ADGRG6: variants seen among roughly 807,000 people sequenced by gnomAD.
ADGRG6 encodes the protein adhesion G protein-coupled receptor G6, also known as G-protein coupled receptor 126.
ADGRG6 carries 84 observed loss-of-function variants against 142.4 expected under a neutral mutation model. That is an observed-to-expected ratio of 0.59 (90% CI 0.49 to 0.71). ADGRG6 has a LOEUF of 0.71. ADGRG6 is among the 30% of genes least tolerant of loss of function. ADGRG6 has a pLI of 0.00. For missense variants in ADGRG6, 1,367 were observed against 1,466.6 expected, an observed-to-expected ratio of 0.93 and a Z score of 1.11; for synonymous variants, 521 against 520.5, an observed-to-expected ratio of 1.00 and a Z score of -0.01.
intron 2 of ADGRG6, among the ~76,000 whole-genome samples, chr6:142,315,563 C>T (rs567161609): frequency 6.6e-5 from 10 of 152,126 alleles, no homozygotes; most frequent in African/African-American, 2.2e-4. Context: ...TGATTATACA[C>T]CTGAAAAGAA....
At chr6:142,422,281 A>C (rs574898890) in intron 22 of ADGRG6, among the ~76,000 whole-genome samples, 7 of 152,184 alleles carry the variant, frequency 4.6e-5, no homozygotes, top group African/African-American at 1.7e-4. Flanking sequence ...GTCATCTAGC[A>C]TTAGGTATAT....
chr6:142,347,455 A>G (rs1240459357), intron 2 of ADGRG6, among the ~76,000 whole-genome samples: 1 of 152,306 alleles, frequency 6.6e-6, no homozygotes, highest in African/African-American at 2.4e-5. Flanking sequence ...GTAGAAAACC[A>G]AACAATGATC....
chr6:142,354,755 A>C (rs538157454), intron 2 of ADGRG6, among the ~76,000 whole-genome samples: 1 of 152,350 alleles, frequency 6.6e-6, no homozygotes, highest in East Asian at 1.9e-4. Flanking sequence ...CATATATGTA[A>C]ACTATTAACA....
chr6:142,400,793 C>T, intron 11 of ADGRG6, 197 bp downstream of exon 11: 1 of 499,866 alleles, frequency 2.0e-6, no homozygotes, highest in South Asian at 3.0e-5. Flanking sequence ...GTTTTCCTCC[C>T]AGCCACATGC....
intron 2 of ADGRG6, among the ~76,000 whole-genome samples, chr6:142,341,621 T>TATATATA (rs1186724696): frequency 7.8e-6 from 1 of 128,784 alleles, no homozygotes; most frequent in Admixed American, 9.0e-5. Context: ...TAATATGTAG[T>TATATATA]ATATATAATA....
chr6:142,345,923 T>C (rs1779876631), intron 2 of ADGRG6, among the ~76,000 whole-genome samples: 1 of 152,208 alleles, frequency 6.6e-6, no homozygotes, highest in Non-Finnish European at 1.5e-5. Context: ...GTAAAGTTAT[T>C]TTAAGGAAAA....
chr6:142,346,594 T>G (rs998448656), intron 2 of ADGRG6, among the ~76,000 whole-genome samples: 2 of 152,150 alleles, frequency 1.3e-5, no homozygotes, highest in African/African-American at 4.8e-5. Flanking sequence ...ATTGCAGTAC[T>G]ATTCACAATA....
At chr6:142,437,635 CTA>C (rs1157415113) in intron 23 of ADGRG6, 100 bp downstream of exon 23, 3 of 703,640 alleles carry the variant, frequency 4.3e-6, no homozygotes. Context: ...TGGTAGCAAG[CTA>C]TTGAAGTGGA....
chr6:142,381,376 G>A (rs1185086393), intron 4 of ADGRG6, among the ~76,000 whole-genome samples: 4 of 152,166 alleles, frequency 2.6e-5, no homozygotes, highest in Non-Finnish European at 5.9e-5. Flanking sequence ...TTAATTGTCA[G>A]AGGGAGATTT....
At chr6:142,360,374 G>A (rs372463024) in intron 2 of ADGRG6, among the ~76,000 whole-genome samples, 2 of 152,302 alleles carry the variant, frequency 1.3e-5, no homozygotes, top group Non-Finnish European at 2.9e-5. Context: ...CAGCGAGAAT[G>A]AGTATATATA....
intron 20 of ADGRG6, among the ~76,000 whole-genome samples, chr6:142,416,407 C>T (rs1249692511): frequency 1.3e-5 from 2 of 152,144 alleles, no homozygotes; most frequent in Non-Finnish European, 2.9e-5. Context: ...ATACAAAGGC[C>T]AGCTCAGACG....
chr6:142,383,977 T>C, intron 6 of ADGRG6, 134 bp downstream of exon 6: 1 of 595,296 alleles, frequency 1.7e-6, no homozygotes, highest in Non-Finnish European at 2.9e-6. Flanking sequence ...TTTACAAGAT[T>C]AGTAAAATTA....
intron 2 of ADGRG6, among the ~76,000 whole-genome samples, chr6:142,343,034 T>TTTTTATAAAA (rs2114731813): frequency 1.3e-5 from 2 of 151,842 alleles, no homozygotes; most frequent in South Asian, 4.1e-4. Flanking sequence ...TGGTAAAAAT[T>TTTTTATAAAA]TTTTATAAAA....
At chr6:142,403,128 C>A (rs893209616) in intron 13 of ADGRG6, among the ~76,000 whole-genome samples, 1 of 151,626 alleles carries the variant, frequency 6.6e-6, no homozygotes, top group East Asian at 1.9e-4. Context: ...TAAATTTAGT[C>A]GACCAGTAGA....
At chr6:142,355,231 C>T (rs1242004230) in intron 2 of ADGRG6, among the ~76,000 whole-genome samples, 3 of 151,642 alleles carry the variant, frequency 2.0e-5, no homozygotes, top group South Asian at 2.1e-4. Flanking sequence ...TCAATTTTTC[C>T]GTAAGATGGA....
intron 2 of ADGRG6, among the ~76,000 whole-genome samples, chr6:142,311,394 C>T (rs992061335): frequency 2.6e-5 from 4 of 151,758 alleles, no homozygotes; most frequent in Non-Finnish European, 5.9e-5. Context: ...ATTTAAAATG[C>T]CACCACCTCA....
Position 142,409,794 on chromosome 6 carries a change from T to C in ADGRG6, c.2389-80T>C, listed in dbSNP as rs1775990868. 5 of 631,428 alleles carry C rather than the reference T, an allele frequency of 7.9e-6. No individual in the cohort carries two copies. In the South Asian group the frequency reaches 9.0e-5, roughly 11 times the overall value. 39.1% of individuals were successfully genotyped at this position (631,428 alleles called of 1,614,324 possible). ...CTAATCTATTTCTTTGTGAAACCCTTCGTGTTTTTATTCTTTTGCCATATT... is the reference window on the plus strand; with the variant it reads ...CTAATCTATTTCTTTGTGAAACCCTCCGTGTTTTTATTCTTTTGCCATATT... On this transcript the variant is annotated intron_variant, in intron 16 of 24. Transcript: ENST00000367609.
intron 14 of ADGRG6, chr6:142,405,246 A>G (rs1159323683): frequency 2.3e-6 from 1 of 436,610 alleles, no homozygotes; most frequent in African/African-American, 2.0e-5. Flanking sequence ...GAAAAATGCT[A>G]TCTGAGAGTG....
Position 142,342,814 on chromosome 6 carries a change from C to T in ADGRG6, c.104-24755C>T, listed in dbSNP as rs117068502. Among the ~76,000 whole-genome samples, 653 of 151,870 alleles carry T rather than the reference C, an allele frequency of 4.3e-3. 1 individual carries two copies. Among genetic ancestry groups the T allele is most frequent in the Non-Finnish European group, 6.5e-3 (439 of 67,856 alleles). On this transcript the variant is annotated intron_variant, in intron 2 of 24. Transcript: ENST00000367609. ...CTGTAGGTAGATATGTATTTAGCTA[C>T]TTAAAGGAGGAAAACTGATGGAAAA...
Sources: gnomAD v4.1 joint callset for allele counts (sites outside exome capture counted in the v4.1 genomes callset) on GRCh38, gnomAD v4.1.1 for gene constraint, MANE v1.5 for transcripts, NCBI Gene and HGNC (gene_info 2026-07-23, HGNC 2026-07-21) for gene names.